The following ENKUR variants were observed in gnomAD, a reference collection of about 807,000 sequenced individuals.
The protein encoded by ENKUR is enkurin.
A neutral mutation model predicts 27.6 loss-of-function variants in ENKUR; 19 were observed. The ratio of observed to expected loss-of-function variants is 0.69; its 90% CI spans 0.48 to 1.01. The LOEUF is 1.01. ENKUR is among the 50% of genes least tolerant of loss of function. The pLI is 0.00. For synonymous variants in ENKUR, 117 were observed against 96.9 expected (o/e 1.21, Z -1.22); for missense variants, 312 against 310.5 (o/e 1.00, Z -0.04).
At chr10:25,058,471 G>T (rs182265303) in intron 2 of ENKUR, among the ~76,000 whole-genome samples, 1 of 152,240 alleles carries the variant, frequency 6.6e-6, no homozygotes, top group Non-Finnish European at 1.5e-5. Context: ...GACTGTCAAA[G>T]CACTGGAATT....
intron 2 of ENKUR, among the ~76,000 whole-genome samples, chr10:25,027,389 T>TAAAAAAAAAAAAAAAAAAAA: frequency 1.7e-5 from 1 of 58,272 alleles, no homozygotes; most frequent in Admixed American, 2.2e-4. Flanking sequence ...AAAAAAAAAC[T>TAAAAAAAAAAAAAAAAAAAA]AGCCAGGCAT....
rs527608450 is a variant in ENKUR, at chr10:25,056,433, T to G, written c.37+4679A>C. Among the ~76,000 whole-genome samples the G allele has an allele frequency of 7.5e-4, 114 of 152,340 alleles. 1 individual carries two copies. The highest frequency in any genetic ancestry group is 1.5e-3 in the Non-Finnish European group (100 of 68,024). ...GAGAATGGGGGAAGACGCATTCATA[T>G]TTTGGGAAAATTAGGGATTTGAGAA... On this transcript the variant is annotated intron_variant, in intron 2 of 5. Transcript: ENST00000615958.
chr10:24,994,610 T>C (rs1208933285), intron 3 of ENKUR, among the ~76,000 whole-genome samples: 1 of 152,172 alleles, frequency 6.6e-6, no homozygotes, highest in Non-Finnish European at 1.5e-5. Context: ...ATTACAGTTG[T>C]GAGCCACTGT....
intron 4 of ENKUR, among the ~76,000 whole-genome samples, chr10:24,989,707 C>T (rs1397173206): frequency 6.6e-6 from 1 of 152,100 alleles, no homozygotes; most frequent in African/African-American, 2.4e-5. Flanking sequence ...CATATGAATC[C>T]ATTTTTCAAC....
chr10:25,028,747 A>G (rs1378780484), intron 2 of ENKUR, among the ~76,000 whole-genome samples: 1 of 152,214 alleles, frequency 6.6e-6, no homozygotes, highest in Non-Finnish European at 1.5e-5. Context: ...GATAAGCATT[A>G]AATACCTAAG....
At chr10:24,999,692 C>T in intron 1 of ENKUR, 146 bp from the exon 2 acceptor site, 1 of 761,472 alleles carries the variant, frequency 1.3e-6, no homozygotes. Flanking sequence ...CTTACCTGAG[C>T]CCTGTCCATC....
chr10:25,022,135 T>C (rs1045649416), intron 2 of ENKUR, among the ~76,000 whole-genome samples: 2 of 152,190 alleles, frequency 1.3e-5, no homozygotes, highest in African/African-American at 4.8e-5. Flanking sequence ...ACATGAACAT[T>C]GCACAGGTAT....
At chr10:25,058,565 A>G (rs1851286758) in intron 2 of ENKUR, among the ~76,000 whole-genome samples, 2 of 152,156 alleles carry the variant, frequency 1.3e-5, no homozygotes, top group African/African-American at 4.8e-5. Context: ...TCCCATACTG[A>G]TTAGAAATGA....
intron 1 of ENKUR, among the ~76,000 whole-genome samples, chr10:25,012,721 T>C (rs965353046): frequency 6.6e-6 from 1 of 152,238 alleles, no homozygotes; most frequent in African/African-American, 2.4e-5. Context: ...CTTTTGATTT[T>C]ATATGCTTGT....
At chr10:25,018,241 A>G (rs920423324), upstream of ENKUR, among the ~76,000 whole-genome samples, 11 of 152,206 alleles carry the variant, frequency 7.2e-5, no homozygotes, top group East Asian at 3.8e-4. Context: ...TTGATCTGCA[A>G]TTCTCCTTGC....
At chr10:25,060,712 T>C (rs1265219285) in intron 2 of ENKUR, among the ~76,000 whole-genome samples, 1 of 151,724 alleles carries the variant, frequency 6.6e-6, no homozygotes, top group Non-Finnish European at 1.5e-5. Flanking sequence ...AACCCACGTG[T>C]TTTTGTTTTT....
At position 25,016,146 on chromosome 10, in the gene ENKUR, C is replaced by A; in HGVS notation, c.-210G>T. The A allele has an allele frequency of 8.2e-7, 1 of 1,223,164 alleles. No homozygotes were observed. Among genetic ancestry groups the A allele is most frequent in the Middle Eastern group, 3.2e-4 (1 of 3,134 alleles). The allele number at this position is 1,223,164 out of a possible 1,614,324, so 75.8% of individuals were successfully genotyped here. A position where few individuals can be genotyped will look rare whatever the true frequency, so the allele number is the denominator to read the frequency against. ...CCCTATTTCTCTCCGGATTGCTAAG[C>A]GTCGTTGACTGTGCGGTTGCCGTGG... On this transcript the variant is annotated 5_prime_UTR_variant, in exon 1 of 6. Coordinates refer to ENST00000331161, the MANE Select transcript of ENKUR (RefSeq NM_145010.4).
At chr10:25,016,259 A>G (rs1224599190), upstream of ENKUR, 9 of 901,784 alleles carry the variant, frequency 1.0e-5, no homozygotes, top group Non-Finnish European at 1.2e-5. Flanking sequence ...CTTCTGCTAG[A>G]GAAGCTCATT....
intron 2 of ENKUR, among the ~76,000 whole-genome samples, chr10:25,048,931 T>C (rs953953535): frequency 3.3e-5 from 5 of 151,386 alleles, no homozygotes; most frequent in South Asian, 4.2e-4. Flanking sequence ...AGGGAGGAAA[T>C]GGACATGGAA....
intron 1 of ENKUR, among the ~76,000 whole-genome samples, chr10:25,008,847 G>C (rs1421377490): frequency 6.6e-6 from 1 of 152,124 alleles, no homozygotes; most frequent in African/African-American, 2.4e-5. Context: ...CAAAGACTTG[G>C]AACCAACCCA....
At position 25,057,380 on chromosome 10, in the gene ENKUR, T is replaced by TACACACAC. The variant is rs139515865; in HGVS notation, c.37+3724_37+3731dup. Among the ~76,000 whole-genome samples the TACACACAC allele has an allele frequency of 1.3e-3, 153 of 117,806 alleles. 1 individual carries two copies. The highest frequency in any genetic ancestry group is 3.6e-3 in the African/African-American group (107 of 29,504). 77.3% of individuals were successfully genotyped at this position (117,806 alleles called of 152,430 possible). On this transcript the variant is annotated intron_variant, in intron 2 of 5. Transcript: ENST00000615958. Reference sequence around the variant, plus strand: ...ATCAGCTTAACCCTCTGCACTTTGGTACACACACACACACACACACACACA... The same window carrying TACACACAC: ...ATCAGCTTAACCCTCTGCACTTTGGTACACACACACACACACACACACACACACACACA...
At chr10:25,022,395 C>G (rs1348048649) in intron 2 of ENKUR, among the ~76,000 whole-genome samples, 1 of 152,146 alleles carries the variant, frequency 6.6e-6, no homozygotes, top group Non-Finnish European at 1.5e-5. Context: ...AGTGATGGTT[C>G]TGTGCAGATA....
intron 2 of ENKUR, among the ~76,000 whole-genome samples, chr10:25,029,551 TAA>T (rs33953169): frequency 0.25 from 37,455 of 150,534 alleles, 5,602 homozygotes; most frequent in East Asian, 0.5. Flanking sequence ...TAATGTTAGT[TAA>T]AAAAAAAATC....
intron 2 of ENKUR, among the ~76,000 whole-genome samples, chr10:25,046,814 CA>C (rs1330977752): frequency 2.6e-5 from 4 of 152,234 alleles, no homozygotes; most frequent in African/African-American, 7.2e-5. Flanking sequence ...GTATCCCAGC[CA>C]AAGAGTTTAT....
Sources: allele counts gnomAD v4.1 joint callset (sites outside exome capture counted in the v4.1 genomes callset), GRCh38; gene constraint gnomAD v4.1.1; transcripts MANE v1.5; gene names NCBI Gene and HGNC (gene_info 2026-07-23, HGNC 2026-07-21).